The following PTPRD variants were observed in gnomAD, a reference collection of about 807,000 sequenced individuals.
PTPRD encodes the protein protein tyrosine phosphatase receptor type D, also known as receptor-type tyrosine-protein phosphatase delta.
Under a neutral mutation model 214.5 loss-of-function variants are expected in PTPRD, and 34 were observed. That is an observed-to-expected ratio of 0.16 (90% CI 0.12 to 0.21). The LOEUF is 0.21. PTPRD is among the 10% of genes least tolerant of loss of function. The pLI, the probability that PTPRD is intolerant of heterozygous loss-of-function variation, is 1.00. For missense variants in PTPRD, 2,545 were observed against 2,398.7 expected (o/e 1.06, Z -1.27); for synonymous variants, 1,128 against 845.7 (o/e 1.33, Z -5.79).
At chr9:9,665,180 C>T (rs1298668201) in intron 7 of PTPRD, among the ~76,000 whole-genome samples, 1 of 151,628 alleles carries the variant, frequency 6.6e-6, no homozygotes, top group Non-Finnish European at 1.5e-5. Flanking sequence ...AGAAAATAGT[C>T]TTCTGACTCA....
chr9:9,094,136 T>C (rs2154433839), intron 10 of PTPRD, among the ~76,000 whole-genome samples: 1 of 152,300 alleles, frequency 6.6e-6, no homozygotes, highest in Admixed American at 6.5e-5. Context: ...TGAATAGTCC[T>C]ACATTAATTA....
At chr9:8,962,399 C>T (rs952444704) in intron 11 of PTPRD, among the ~76,000 whole-genome samples, 1 of 152,018 alleles carries the variant, frequency 6.6e-6, no homozygotes. Flanking sequence ...ACATGCAGGA[C>T]AGATTGTCTC....
chr9:10,093,843 A>G (rs383865), intron 3 of PTPRD, among the ~76,000 whole-genome samples: 64,694 of 151,256 alleles, frequency 0.43, 14,773 homozygotes, highest in African/African-American at 0.56. Flanking sequence ...CAACAGAAAA[A>G]TAAATACTGC....
chr9:10,187,003 TAC>T (rs2099335604), intron 3 of PTPRD, among the ~76,000 whole-genome samples: 1 of 152,166 alleles, frequency 6.6e-6, no homozygotes, highest in Non-Finnish European at 1.5e-5. Flanking sequence ...CTTTAATATT[TAC>T]AGAGCATAAC....
chr9:10,433,956 T>C (rs2098700444), intron 2 of PTPRD, among the ~76,000 whole-genome samples: 1 of 151,884 alleles, frequency 6.6e-6, no homozygotes, highest in Non-Finnish European at 1.5e-5. Flanking sequence ...TCAATCACTA[T>C]AAACAAAAAG....
chr9:9,819,024 A>G (rs145390197), intron 5 of PTPRD, among the ~76,000 whole-genome samples: 1 of 152,232 alleles, frequency 6.6e-6, no homozygotes, highest in Non-Finnish European at 1.5e-5. Flanking sequence ...GCACTTCACC[A>G]ACATGTTTTA....
intron 45 of PTPRD, among the ~76,000 whole-genome samples, chr9:8,318,583 A>G (rs976593896): frequency 2.0e-5 from 3 of 152,058 alleles, no homozygotes; most frequent in African/African-American, 7.2e-5. Context: ...AGGCACACAA[A>G]TCCATTTACA....
intron 10 of PTPRD, among the ~76,000 whole-genome samples, chr9:9,158,795 T>C (rs1389642107): frequency 6.6e-6 from 1 of 152,056 alleles, no homozygotes; most frequent in African/African-American, 2.4e-5. Flanking sequence ...TGAATATACA[T>C]GCAAAAATAC....
At chr9:8,489,160 T>C (rs1484021088) in intron 27 of PTPRD, among the ~76,000 whole-genome samples, 2 of 152,210 alleles carry the variant, frequency 1.3e-5, no homozygotes, top group Non-Finnish European at 2.9e-5. Context: ...ATAAATCTAA[T>C]GGGCTGGCAA....
At chr9:8,434,202 G>A (rs977190506) in intron 35 of PTPRD, among the ~76,000 whole-genome samples, 6 of 152,200 alleles carry the variant, frequency 3.9e-5, no homozygotes, top group Non-Finnish European at 7.4e-5. Flanking sequence ...GGCTGATCCC[G>A]AACTCCTGAA....
At chr9:9,184,037 A>G (rs929588781) in intron 9 of PTPRD, among the ~76,000 whole-genome samples, 1 of 152,048 alleles carries the variant, frequency 6.6e-6, no homozygotes, top group East Asian at 1.9e-4. Context: ...TTGTTTTCAC[A>G]ATTGCTTTAT....
intron 8 of PTPRD, among the ~76,000 whole-genome samples, chr9:9,469,039 C>A (rs187833040): frequency 4.7e-4 from 71 of 152,188 alleles, no homozygotes; most frequent in Admixed American, 4.0e-3. Context: ...CTAAGAGCTA[C>A]ATTTGTGGTC....
intron 4 of PTPRD, among the ~76,000 whole-genome samples, chr9:10,008,537 A>T (rs528481037): frequency 6.6e-6 from 1 of 151,902 alleles, no homozygotes; most frequent in Admixed American, 6.6e-5. Context: ...CTTAGCATGC[A>T]TATGTGTGCC....
chr9:8,488,069 G>A (rs1047584258), intron 27 of PTPRD, among the ~76,000 whole-genome samples: 1 of 152,012 alleles, frequency 6.6e-6, no homozygotes, highest in Non-Finnish European at 1.5e-5. Flanking sequence ...TAGGAAAGGA[G>A]GAAAGCTTAC....
At chr9:8,569,737 T>G (rs2090535265) in intron 14 of PTPRD, among the ~76,000 whole-genome samples, 1 of 152,108 alleles carries the variant, frequency 6.6e-6, no homozygotes, top group Non-Finnish European at 1.5e-5. Flanking sequence ...AAGAAAGGAC[T>G]TAAGAATCAC....
intron 7 of PTPRD, among the ~76,000 whole-genome samples, chr9:9,716,094 A>T (rs962962235): frequency 1.3e-4 from 19 of 151,910 alleles, no homozygotes; most frequent in Non-Finnish European, 1.9e-4. Flanking sequence ...ATGAGTGAGA[A>T]TATGCGGTGT....
chr9:9,113,857 T>C (rs1472668999), intron 10 of PTPRD, among the ~76,000 whole-genome samples: 1 of 152,186 alleles, frequency 6.6e-6, no homozygotes, highest in Non-Finnish European at 1.5e-5. Flanking sequence ...AACTCAGTTC[T>C]CTTTATAGAT....
At chr9:9,770,701 T>A (rs1005960350) in intron 5 of PTPRD, among the ~76,000 whole-genome samples, 1 of 152,162 alleles carries the variant, frequency 6.6e-6, no homozygotes, top group Non-Finnish European at 1.5e-5. Context: ...CAGGCCATGT[T>A]TGTTTGTTGA....
chr9:8,392,368 A>G (rs1176417392), intron 36 of PTPRD, among the ~76,000 whole-genome samples: 5 of 151,930 alleles, frequency 3.3e-5, no homozygotes, highest in Non-Finnish European at 5.9e-5. Context: ...TCTACAAAAC[A>G]CTAAAAACTT....
Sources: allele counts gnomAD v4.1 joint callset (sites outside exome capture counted in the v4.1 genomes callset), GRCh38; gene constraint gnomAD v4.1.1; transcripts MANE v1.5; gene names NCBI Gene and HGNC (gene_info 2026-07-23, HGNC 2026-07-21).